Variants in SRL observed in about 807,000 individuals in gnomAD.
SRL encodes sarcalumenin.
Under a neutral mutation model 39.5 loss-of-function variants are expected in SRL, and 23 were observed. The observed-to-expected ratio is 0.58, with a 90% confidence interval of 0.42 to 0.82. The LOEUF is 0.82. Among genes scored for constraint, SRL ranks in the 40% least tolerant of loss-of-function variants. The pLI, the probability that SRL is intolerant of heterozygous loss-of-function variation, is 0.00. For synonymous variants in SRL, 272 were observed against 237.4 expected, an observed-to-expected ratio of 1.15 and a Z score of -1.34; for missense variants, 592 against 607.8, an observed-to-expected ratio of 0.97 and a Z score of 0.27.
At chr16:4,228,599 G>T (rs1433699482) in intron 1 of SRL, among the ~76,000 whole-genome samples, 1 of 151,928 alleles carries the variant, frequency 6.6e-6, no homozygotes, top group Non-Finnish European at 1.5e-5. Flanking sequence ...GTCAGGCGTG[G>T]TGGCGGGCAC....
rs1356384379 is a variant in SRL, at chr16:4,204,424, C to CTAA, written c.163+108_163+109insTTA. 32 of 1,027,362 alleles carry CTAA rather than the reference C, an allele frequency of 3.1e-5. No homozygotes were observed. The Middle Eastern group carries it at 6.7e-4, about 21-fold the overall frequency. The allele number at this position is 1,027,362 out of a possible 1,614,324, so 63.6% of individuals were successfully genotyped here. A position where few individuals can be genotyped will look rare whatever the true frequency, so the allele number is the denominator to read the frequency against. ...TCCAAGATAGATACAGCCCCGGCCT[C>CTAA]CAAGATACAGCCCCGGCACGCCCTG... is the stretch of plus-strand genomic sequence containing the variant. On this transcript the variant is annotated intron_variant, in intron 2 of 5. Transcript: ENST00000399609.
rs1395461043 is a variant in SRL, at chr16:4,197,934, A to G, written c.260-19T>C. The G allele has an allele frequency of 1.3e-6, 2 of 1,538,236 alleles. No homozygotes were observed. The highest frequency in any genetic ancestry group is 2.2e-5 in the East Asian group (1 of 44,526). Reference sequence around the variant, plus strand: ...TCTCCATCTGTGGGCAACAGGAAGTAGAAATGGAATAAAACTAACAAAAGT... The same window carrying G: ...TCTCCATCTGTGGGCAACAGGAAGTGGAAATGGAATAAAACTAACAAAAGT... On this transcript the variant is annotated intron_variant, in intron 3 of 5. Coordinates refer to ENST00000399609, the MANE Select transcript of SRL (RefSeq NM_001098814.2).
intron 2 of SRL, among the ~76,000 whole-genome samples, chr16:4,204,189 G>A (rs570395379): frequency 1.6e-4 from 24 of 152,298 alleles, no homozygotes; most frequent in African/African-American, 3.1e-4. Context: ...CACATGAAAC[G>A]GCTTTATAAA....
intron 1 of SRL, among the ~76,000 whole-genome samples, chr16:4,210,518 C>A (rs62037565): frequency 0.25 from 28,344 of 113,290 alleles, 3,136 homozygotes; most frequent in Admixed American, 0.36. Context: ...GAGACAAGGT[C>A]TCACTCTGTC....
At chr16:4,215,943 G>A (rs766729637) in intron 1 of SRL, among the ~76,000 whole-genome samples, 2 of 152,080 alleles carry the variant, frequency 1.3e-5, no homozygotes, top group Non-Finnish European at 2.9e-5. Flanking sequence ...GGCTGTGGTT[G>A]ACGGACCTCT....
intron 1 of SRL, chr16:4,207,121 C>T (rs1466511824): frequency 8.8e-6 from 4 of 456,434 alleles, no homozygotes; most frequent in East Asian, 6.9e-5. Context: ...GTGGCCTCCT[C>T]GGAGGCGCCC....
In SRL at chr16:4,192,042, C is replaced by T. The variant is rs2052072010; in HGVS notation, c.*111G>A. The stretch of plus-strand genomic sequence containing the variant: ...GCCTCAATGAACTCCCAACTCTCCA[C>T]TGTGTAATAATTCCTGCCAGTGTGG... On this transcript the variant is annotated 3_prime_UTR_variant, in exon 6 of 6. Transcript: ENST00000399609. This position sits in a 1 kb window ranked among gnomAD's most constrained non-coding sequence, Gnocchi z 4.0. 3.2e-6 allele frequency: 4 copies of T among 1,232,056 alleles called. No homozygotes were observed. The South Asian group carries it at 4.5e-5, about 14-fold the overall frequency. 76.3% of individuals were successfully genotyped at this position (1,232,056 alleles called of 1,614,324 possible).
chr16:4,194,152 TAGCCACATG>T, intron 5 of SRL, among the ~76,000 whole-genome samples: 1 of 152,344 alleles, frequency 6.6e-6, no homozygotes, highest in East Asian at 1.9e-4. Context: ...GCCTACTCCA[TAGCCACATG>T]CCTGGTGGAT....
chr16:4,192,533 C>G lies in SRL; in HGVS notation c.1042G>C (p.Asp348His). 1 of 1,614,188 alleles carries G rather than the reference C, an allele frequency of 6.2e-7. No individual in the cohort carries two copies. Among genetic ancestry groups the G allele is most frequent in the Non-Finnish European group, 8.5e-7 (1 of 1,180,032 alleles). Residue 348 changes from aspartate (D) to histidine (H), a missense_variant, in exon 6 of 6, where the codon GAC becomes CAC. Physicochemically the swap from Asp to His is moderately conservative, Grantham distance 81 (BLOSUM62 -1). Coordinates refer to ENST00000399609, the MANE Select transcript of SRL (RefSeq NM_001098814.2). This position sits in a 1 kb window ranked among gnomAD's most constrained non-coding sequence, Gnocchi z 4.0. ...IRVRIHALLV[D>H]RYLQTYKDKM... ...TCCTTGTAAGTCTGCAGGTAGCGGT[C>G]AACCAGGAGGGCGTGGATGCGGACC...
chr16:4,193,872 T>C (rs1489650511), intron 5 of SRL, among the ~76,000 whole-genome samples: 6 of 150,632 alleles, frequency 4.0e-5, no homozygotes, highest in Non-Finnish European at 5.9e-5. Context: ...ACTATTATAA[T>C]TATTAACATT....
At chr16:4,240,673 A>G in intron 1 of SRL, among the ~76,000 whole-genome samples, 1 of 152,014 alleles carries the variant, frequency 6.6e-6, no homozygotes, top group Non-Finnish European at 1.5e-5. Context: ...GGTGGGAGGA[A>G]AGATAAAGGA....
At chr16:4,204,768 C>A in intron 1 of SRL, 134 bp from the exon 2 acceptor site, 1 of 688,676 alleles carries the variant, frequency 1.5e-6, no homozygotes, top group Admixed American at 2.4e-5. Context: ...CTGGACTGAG[C>A]TCTGCCTTTA....
chr16:4,225,615 C>A (rs1405891833), intron 1 of SRL, among the ~76,000 whole-genome samples: 1 of 152,108 alleles, frequency 6.6e-6, no homozygotes, highest in Non-Finnish European at 1.5e-5. Flanking sequence ...TTCTCCAAAA[C>A]CTTAATTAAG....
chr16:4,240,245 A>G (rs2052758630), intron 1 of SRL, among the ~76,000 whole-genome samples: 1 of 152,056 alleles, frequency 6.6e-6, no homozygotes, highest in Non-Finnish European at 1.5e-5. Context: ...AGAGGTCAGG[A>G]GCCAAGATGT....
intron 1 of SRL, among the ~76,000 whole-genome samples, chr16:4,215,057 T>A (rs535880813): frequency 4.6e-5 from 7 of 152,180 alleles, no homozygotes; most frequent in Non-Finnish European, 8.8e-5. Flanking sequence ...CATGAGCCAC[T>A]GCACCCGGCC....
intron 1 of SRL, chr16:4,207,786 G>C (rs974098205): frequency 8.8e-6 from 4 of 455,170 alleles, no homozygotes; most frequent in Admixed American, 4.7e-5. Flanking sequence ...GCTTGCCACT[G>C]GTGGGCCATT....
At position 4,190,601 on chromosome 16, in the gene SRL, C is replaced by T. The variant is rs544129931; in HGVS notation, c.*1552G>A. The T allele has an allele frequency of 2.5e-5, 10 of 397,786 alleles. No individual in the cohort carries two copies. In the East Asian group the frequency reaches 2.8e-4, roughly 11 times the overall value. The allele number at this position is 397,786 out of a possible 1,614,324, so 24.6% of individuals were successfully genotyped here. ...GCCTTGCAAGACTGTTACAAGTTCT[C>T]TACTCCCTAGAGTCTATGTGATCTC... On this transcript the variant is annotated 3_prime_UTR_variant, in exon 6 of 6. Coordinates refer to ENST00000399609, the MANE Select transcript of SRL (RefSeq NM_001098814.2).
At chr16:4,226,576 T>A (rs912771753) in intron 1 of SRL, among the ~76,000 whole-genome samples, 1 of 149,840 alleles carries the variant, frequency 6.7e-6, no homozygotes, top group Non-Finnish European at 1.5e-5. Context: ...GATGGGCAGA[T>A]GAATGGGTGA....
chr16:4,237,717 C>T (rs978933364), intron 1 of SRL, among the ~76,000 whole-genome samples: 2 of 152,186 alleles, frequency 1.3e-5, no homozygotes, highest in African/African-American at 4.8e-5. Context: ...CCCCGTTGCT[C>T]TGGCACCGTG....
Sources: gnomAD v4.1 joint callset for allele counts (sites outside exome capture counted in the v4.1 genomes callset) on GRCh38, gnomAD v4.1.1 for gene constraint, Gnocchi (gnomAD v3.1) non-coding constraint, MANE v1.5 for transcripts, NCBI Gene and HGNC (gene_info 2026-07-23, HGNC 2026-07-21) for gene names.